Variants in ADAMTS17 observed in about 807,000 individuals in gnomAD.
ADAMTS17 encodes the protein ADAM metallopeptidase with thrombospondin type 1 motif 17.
In ADAMTS17, 113 loss-of-function variants were observed where a neutral mutation model predicts 141.5. The ratio of observed to expected loss-of-function variants is 0.80; its 90% CI spans 0.69 to 0.93. The LOEUF (loss-of-function observed/expected upper bound fraction) is 0.93, where lower values mean the gene tolerates loss of function less well. ADAMTS17 is among the 40% of genes least tolerant of loss of function. The probability of loss-of-function intolerance (pLI) is 0.00; values close to 1 mark genes in which losing one functional copy is unlikely to be tolerated. For synonymous variants in ADAMTS17, 768 were observed against 630.6 expected, an observed-to-expected ratio of 1.22 and a Z score of -3.27; for missense variants, 1,659 against 1,517.9, an observed-to-expected ratio of 1.09 and a Z score of -1.54.
chr15:100,094,966 C>G (rs921078856), intron 15 of ADAMTS17, among the ~76,000 whole-genome samples: 1 of 152,190 alleles, frequency 6.6e-6, no homozygotes, highest in Non-Finnish European at 1.5e-5. Context: ...CCTGTGCTGC[C>G]CAACACAGGA....
intron 15 of ADAMTS17, chr15:100,063,661 A>C (rs1216921957): frequency 2.9e-5 from 37 of 1,289,558 alleles, no homozygotes; most frequent in Non-Finnish European, 3.4e-5. Context: ...ATGGTGAGTC[A>C]AGTCATTTGT....
At chr15:100,332,054 C>T (rs972598206) in intron 2 of ADAMTS17, among the ~76,000 whole-genome samples, 1 of 152,196 alleles carries the variant, frequency 6.6e-6, no homozygotes, top group Non-Finnish European at 1.5e-5. Flanking sequence ...AATAAGATCG[C>T]CTACAATCTT....
chr15:100,280,738 C>T (rs1567479108), intron 4 of ADAMTS17, among the ~76,000 whole-genome samples: 1 of 152,218 alleles, frequency 6.6e-6, no homozygotes, highest in Non-Finnish European at 1.5e-5. Flanking sequence ...AGCCTCACCA[C>T]CCATCCATCC....
chr15:100,313,342 T>C (rs1012490768), intron 3 of ADAMTS17, among the ~76,000 whole-genome samples: 5 of 152,224 alleles, frequency 3.3e-5, no homozygotes, highest in Admixed American at 3.3e-4. Flanking sequence ...ATGAGATTTA[T>C]TCCAGAATTT....
chr15:100,011,078 G>A (rs1049082235), intron 18 of ADAMTS17, among the ~76,000 whole-genome samples: 7 of 151,496 alleles, frequency 4.6e-5, no homozygotes, highest in African/African-American at 1.5e-4. Flanking sequence ...TAACAGTGAG[G>A]ACTACTGAGA....
chr15:100,090,402 A>T (rs914660923), intron 15 of ADAMTS17, among the ~76,000 whole-genome samples: 1 of 152,218 alleles, frequency 6.6e-6, no homozygotes, highest in Non-Finnish European at 1.5e-5. Flanking sequence ...GGGATCACCG[A>T]TCTGCAGAAT....
intron 15 of ADAMTS17, among the ~76,000 whole-genome samples, chr15:100,068,749 T>G (rs1262391167): frequency 6.6e-6 from 1 of 152,190 alleles, no homozygotes; most frequent in Non-Finnish European, 1.5e-5. Flanking sequence ...AAACCCCATC[T>G]GTATGTCACC....
At position 100,022,787 on chromosome 15, in the gene ADAMTS17, T is replaced by C. The variant is rs189318411; in HGVS notation, c.2592-25198A>G. Among the ~76,000 whole-genome samples, 52 of 152,244 alleles carry C rather than the reference T, an allele frequency of 3.4e-4. No homozygotes were observed. In the East Asian group the frequency reaches 9.5e-3, roughly 28 times the overall value. ...CGTAACCACTTTCAACTGAAAATAA[T>C]AATTTGTTAATAATTTTAATAGCTA... On this transcript the variant is annotated intron_variant, in intron 18 of 21. Transcript: ENST00000268070.
intron 8 of ADAMTS17, among the ~76,000 whole-genome samples, chr15:100,171,174 C>A (rs2040146545): frequency 6.6e-6 from 1 of 152,116 alleles, no homozygotes; most frequent in African/African-American, 2.4e-5. Flanking sequence ...GAGCCTGCTG[C>A]CTCCAAAGTT....
intron 18 of ADAMTS17, among the ~76,000 whole-genome samples, chr15:100,008,936 C>T (rs2061098680): frequency 6.6e-6 from 1 of 152,150 alleles, no homozygotes; most frequent in Non-Finnish European, 1.5e-5. Flanking sequence ...CCTCTTGGGG[C>T]TCAAGTGATC....
At chr15:100,161,023 T>C (rs1018319884) in intron 8 of ADAMTS17, among the ~76,000 whole-genome samples, 4 of 152,252 alleles carry the variant, frequency 2.6e-5, no homozygotes, top group African/African-American at 7.2e-5. Flanking sequence ...GCATTAAGTA[T>C]GCCCAGTAAT....
intron 10 of ADAMTS17, among the ~76,000 whole-genome samples, chr15:100,141,135 C>T (rs919052845): frequency 1.3e-5 from 2 of 152,340 alleles, no homozygotes; most frequent in African/African-American, 4.8e-5. Flanking sequence ...GCTACGCTTA[C>T]GGTTTGTCAA....
chr15:99,993,062 C>T lies in ADAMTS17; in HGVS notation c.2935G>A (p.Gly979Arg). 1 of 1,614,194 alleles carries T rather than the reference C, an allele frequency of 6.2e-7. No individual in the cohort carries two copies. The highest frequency in any genetic ancestry group is 8.5e-7 in the Non-Finnish European group (1 of 1,180,048). The change falls in exon 20 of 22, where the codon GGG (glycine) becomes AGG (arginine). Residue 979 changes from glycine (G) to arginine (R), a missense_variant. Physicochemically the swap from Gly to Arg is moderately radical, Grantham distance 125. Coordinates refer to ENST00000268070, the MANE Select transcript of ADAMTS17 (RefSeq NM_139057.4). The surrounding 1 kb of genome is among the most constrained non-coding windows in gnomAD (Gnocchi z 4.3). Reference protein sequence around the residue: ...DYSGCYEWKTGDWSTCSSTCG... With the variant: ...DYSGCYEWKTRDWSTCSSTCG... ...GCTGCTCTCACCGTAGACCAGTCCCCAGTTTTCCACTCGTAGCAGCCTGAG... is the reference window on the plus strand; with the variant it reads ...GCTGCTCTCACCGTAGACCAGTCCCTAGTTTTCCACTCGTAGCAGCCTGAG...
chr15:100,283,077 A>G (rs1322148705), intron 3 of ADAMTS17, among the ~76,000 whole-genome samples: 1 of 152,250 alleles, frequency 6.6e-6, no homozygotes, highest in Non-Finnish European at 1.5e-5. Context: ...ATTGAGTTTG[A>G]GAAAAACACA....
intron 7 of ADAMTS17, among the ~76,000 whole-genome samples, chr15:100,246,242 C>G (rs1332155775): frequency 6.6e-6 from 1 of 152,108 alleles, no homozygotes; most frequent in African/African-American, 2.4e-5. Flanking sequence ...GCCGAGAAAT[C>G]CAAGCTGAAT....
chr15:100,069,617 C>A (rs973471947), intron 15 of ADAMTS17, among the ~76,000 whole-genome samples: 3 of 152,104 alleles, frequency 2.0e-5, no homozygotes, highest in Admixed American at 2.0e-4. Flanking sequence ...GAATTTTCAA[C>A]CCAGAATTTC....
Position 100,000,292 on chromosome 15 carries a change from G to A in ADAMTS17, c.2592-2703C>T, listed in dbSNP as rs987282102. ...GTTCTGGTCTTTGGAGTAACCCAGA[G>A]GCCTTCTTAAATATGTGAAGACAGT... On this transcript the variant is annotated intron_variant, in intron 18 of 21. Transcript: ENST00000268070. 6.6e-5 allele frequency among the ~76,000 whole-genome samples: 10 copies of A among 152,170 alleles called. 1 individual carries two copies. Among genetic ancestry groups the A allele is most frequent in the Non-Finnish European group, 1.2e-4 (8 of 68,028 alleles).
chr15:100,098,121 G>A (rs746929965), intron 14 of ADAMTS17, among the ~76,000 whole-genome samples: 3 of 152,204 alleles, frequency 2.0e-5, no homozygotes, highest in Non-Finnish European at 1.5e-5. Flanking sequence ...GGACAGCAAG[G>A]AGCAAATGGA....
intron 12 of ADAMTS17, 39 bp downstream of exon 12, chr15:100,131,968 A>G (rs753934453): frequency 1.9e-6 from 3 of 1,613,924 alleles, no homozygotes; most frequent in African/African-American, 1.3e-5. Context: ...GGAAACTCCA[A>G]TCGTGGCACG....
Sources: allele counts gnomAD v4.1 joint callset (sites outside exome capture counted in the v4.1 genomes callset), GRCh38; gene constraint gnomAD v4.1.1; non-coding constraint Gnocchi (gnomAD v3.1); transcripts MANE v1.5; gene names NCBI Gene and HGNC (gene_info 2026-07-23, HGNC 2026-07-21).